Variants in SEZ6L observed in about 807,000 individuals in gnomAD.
SEZ6L encodes the protein seizure related 6 homolog like, also known as seizure 6-like protein.
Under a neutral mutation model 106.2 loss-of-function variants are expected in SEZ6L, and 37 were observed. That is an observed-to-expected ratio of 0.35 (90% CI 0.27 to 0.46). SEZ6L has a LOEUF of 0.46. SEZ6L is among the 20% of genes least tolerant of loss of function. SEZ6L has a pLI of 1.00. For missense variants in SEZ6L, 1,172 were observed against 1,332.8 expected (o/e 0.88, Z 1.88); for synonymous variants, 541 against 570.4 (o/e 0.95, Z 0.73).
intron 1 of SEZ6L, among the ~76,000 whole-genome samples, chr22:26,252,355 A>C (rs1157771867): frequency 6.6e-6 from 1 of 152,218 alleles, no homozygotes; most frequent in Non-Finnish European, 1.5e-5. Context: ...CCTTTGCAGA[A>C]TCATTCCCTA....
chr22:26,241,796 C>T (rs2079144319), intron 1 of SEZ6L, among the ~76,000 whole-genome samples: 1 of 152,188 alleles, frequency 6.6e-6, no homozygotes, highest in Non-Finnish European at 1.5e-5. Flanking sequence ...GCCTCTTTGC[C>T]TCATGCCACA....
intron 12 of SEZ6L, 56 bp downstream of exon 12, chr22:26,351,299 CT>C: frequency 3.9e-6 from 6 of 1,536,128 alleles, no homozygotes; most frequent in Non-Finnish European, 5.3e-6. Context: ...TTCACTTTCT[CT>C]TGTTCATGAT....
At chr22:26,266,539 C>G (rs1053594364) in intron 1 of SEZ6L, among the ~76,000 whole-genome samples, 1 of 151,600 alleles carries the variant, frequency 6.6e-6, no homozygotes, top group African/African-American at 2.4e-5. Context: ...CACCACTGCA[C>G]TCCCGCCTGG....
intron 5 of SEZ6L, among the ~76,000 whole-genome samples, chr22:26,302,267 G>A (rs886769273): frequency 2.6e-5 from 4 of 152,110 alleles, no homozygotes; most frequent in African/African-American, 9.7e-5. Context: ...AAAACCAAAT[G>A]AATCAAAATT....
chr22:26,375,741 A>G, intron 15 of SEZ6L, 52 bp downstream of exon 15: 1 of 1,399,962 alleles, frequency 7.1e-7, no homozygotes, highest in Non-Finnish European at 1.0e-6. Flanking sequence ...ACCAGTACTC[A>G]GAGGGACTGG....
chr22:26,283,370 G>A (rs1451258711), intron 1 of SEZ6L, among the ~76,000 whole-genome samples: 1 of 152,188 alleles, frequency 6.6e-6, no homozygotes, highest in African/African-American at 2.4e-5. Context: ...TGAGGTATAT[G>A]TTTATATTTT....
At chr22:26,241,241 A>G (rs529116116) in intron 1 of SEZ6L, 3 of 152,330 alleles carry the variant, frequency 2.0e-5, no homozygotes, top group Admixed American at 6.5e-5. Flanking sequence ...CCTTGTCATG[A>G]CCCAGGGCTT....
intron 1 of SEZ6L, among the ~76,000 whole-genome samples, chr22:26,251,251 C>A (rs5025812): frequency 0.12 from 18,943 of 151,934 alleles, 1,574 homozygotes; most frequent in East Asian, 0.34. Context: ...TCACTTTTAT[C>A]CATTCATTAT....
Position 26,352,886 on chromosome 22 carries a change from C to T in SEZ6L, c.2599+1643C>T, listed in dbSNP as rs117843454. Reference sequence around the variant, plus strand: ...CATGAGCCAGCCAAAGCCAAGTTCCCGTGTGCTAGTTCATAAATTCAGCTT... The same window carrying T: ...CATGAGCCAGCCAAAGCCAAGTTCCTGTGTGCTAGTTCATAAATTCAGCTT... On this transcript the variant is annotated intron_variant, in intron 12 of 16. Coordinates refer to ENST00000248933, the MANE Select transcript of SEZ6L (RefSeq NM_021115.5). 1.3e-3 allele frequency among the ~76,000 whole-genome samples: 200 copies of T among 152,278 alleles called. 1 individual carries two copies. The highest frequency in any genetic ancestry group is 2.3e-3 in the Non-Finnish European group (154 of 68,028).
chr22:26,202,765 A>T (rs529551227), intron 1 of SEZ6L, among the ~76,000 whole-genome samples: 78 of 152,324 alleles, frequency 5.1e-4, no homozygotes, highest in African/African-American at 1.9e-3. Context: ...CTTTAGAAGA[A>T]TGATCAGCCC....
chr22:26,277,090 G>C (rs1006818661), intron 1 of SEZ6L, among the ~76,000 whole-genome samples: 1 of 149,658 alleles, frequency 6.7e-6, no homozygotes. Flanking sequence ...TACTCTTGTA[G>C]CCGAAACACT....
At chr22:26,265,519 G>A (rs553499428) in intron 1 of SEZ6L, among the ~76,000 whole-genome samples, 5 of 152,308 alleles carry the variant, frequency 3.3e-5, no homozygotes, top group Admixed American at 3.3e-4. Context: ...AAAGAGAAGA[G>A]CTATTTGAAG....
intron 9 of SEZ6L, among the ~76,000 whole-genome samples, chr22:26,320,842 G>T (rs1169470448): frequency 3.9e-5 from 6 of 152,180 alleles, no homozygotes; most frequent in Non-Finnish European, 4.4e-5. Flanking sequence ...CAATGGGAGG[G>T]TGCGGGGGAG....
At chr22:26,377,849 A>T in intron 16 of SEZ6L, 74 bp downstream of exon 16, 1 of 1,150,586 alleles carries the variant, frequency 8.7e-7, no homozygotes, top group South Asian at 1.2e-5. Flanking sequence ...AAGACAAAAC[A>T]TTTCATTTCC....
intron 1 of SEZ6L, among the ~76,000 whole-genome samples, chr22:26,291,976 AAAGGAAGGAAGGAAGGAAGGAAGGAAGG>A (rs56887152): frequency 2.4e-5 from 3 of 123,234 alleles, no homozygotes; most frequent in Non-Finnish European, 3.4e-5. Flanking sequence ...GTCTTCAGGA[AAAGGAAGGAAGGAAGGAAGGAAGGAAGG>A]AAGGAAGGAA....
intron 1 of SEZ6L, among the ~76,000 whole-genome samples, chr22:26,241,689 A>G (rs1426754364): frequency 6.6e-6 from 1 of 152,214 alleles, no homozygotes; most frequent in Non-Finnish European, 1.5e-5. Context: ...AAAAAAGTTG[A>G]TAATAACCAT....
intron 9 of SEZ6L, among the ~76,000 whole-genome samples, chr22:26,333,498 G>C (rs1481592265): frequency 1.3e-5 from 2 of 152,234 alleles, no homozygotes; most frequent in African/African-American, 4.8e-5. Flanking sequence ...GAGCAGGGAA[G>C]AGTCCAGTCG....
chr22:26,264,584 A>G lies in SEZ6L; in HGVS notation c.95-27822A>G, dbSNP rs145396636. ...TTCTCTAAAGGAACAGACATTTGCC[A>G]GGGCTGGCAAACTTTTTCTCTAAAG... On this transcript the variant is annotated intron_variant, in intron 1 of 16. Transcript: ENST00000248933. Among the ~76,000 whole-genome samples, 602 of 152,366 alleles carry G rather than the reference A, an allele frequency of 4.0e-3. 7 individuals carry two copies. The highest frequency in any genetic ancestry group is 0.014 in the African/African-American group (569 of 41,600).
intron 1 of SEZ6L, among the ~76,000 whole-genome samples, chr22:26,260,302 CCT>C (rs2079959018): frequency 6.6e-6 from 1 of 152,116 alleles, no homozygotes; most frequent in African/African-American, 2.4e-5. Context: ...CACTATTTCC[CCT>C]GAGTCCCTGA....
Sources: allele counts gnomAD v4.1 joint callset (sites outside exome capture counted in the v4.1 genomes callset), GRCh38; gene constraint gnomAD v4.1.1; transcripts MANE v1.5; gene names NCBI Gene and HGNC (gene_info 2026-07-23, HGNC 2026-07-21).